Variants in GALNT15 observed in about 807,000 individuals in gnomAD.
The protein encoded by GALNT15 is UDP-GalNAc transferase T15.
A neutral mutation model predicts 66.8 loss-of-function variants in GALNT15; 67 were observed. That is an observed-to-expected ratio of 1.00 (90% CI 0.82 to 1.23). The LOEUF (loss-of-function observed/expected upper bound fraction) is 1.23, where lower values mean the gene tolerates loss of function less well. GALNT15 is among the 50% of genes most tolerant of loss of function. GALNT15 has a pLI of 0.00. For missense variants in GALNT15, 827 were observed against 804.3 expected, an observed-to-expected ratio of 1.03 and a Z score of -0.34; for synonymous variants, 313 against 311.5, an observed-to-expected ratio of 1.00 and a Z score of -0.05.
downstream of GALNT15, among the ~76,000 whole-genome samples, chr3:16,235,335 G>A (rs1399942680): frequency 6.6e-6 from 1 of 152,180 alleles, no homozygotes; most frequent in East Asian, 1.9e-4. Context: ...CCTTCTTGAA[G>A]AAACCTGAAG....
rs1257075110 is a variant in GALNT15, at chr3:16,188,987, T to C, written c.540-6773T>C. 6.6e-6 allele frequency among the ~76,000 whole-genome samples: 1 copy of C among 152,062 alleles called. No homozygotes were observed. The highest frequency in any genetic ancestry group is 2.4e-5 in the African/African-American group (1 of 41,398). ...ACCATTTCTTATTGTCTCCTCAGCA[T>C]CTCCCAAAACTTACACACTCACATC... On this transcript the variant is annotated intron_variant, in intron 1 of 9. Coordinates refer to ENST00000339732, the MANE Select transcript of GALNT15 (RefSeq NM_054110.5). This position sits in a 1 kb window ranked among gnomAD's most constrained non-coding sequence, Gnocchi z 4.6.
At chr3:16,190,482 CA>C (rs2063563227) in intron 1 of GALNT15, among the ~76,000 whole-genome samples, 1 of 151,838 alleles carries the variant, frequency 6.6e-6, no homozygotes, top group Admixed American at 6.6e-5. Context: ...ACTAAAAATA[CA>C]AAAAATTAGC....
chr3:16,200,577 T>C lies in GALNT15; in HGVS notation c.707-42T>C. The C allele has an allele frequency of 1.4e-6, 2 of 1,423,170 alleles. No individual in the cohort carries two copies. The highest frequency in any genetic ancestry group is 9.4e-7 in the Non-Finnish European group (1 of 1,063,698). The allele number at this position is 1,423,170 out of a possible 1,614,324, so 88.2% of individuals were successfully genotyped here. On this transcript the variant is annotated intron_variant, in intron 2 of 9. Coordinates refer to ENST00000339732, the MANE Select transcript of GALNT15 (RefSeq NM_054110.5). The surrounding 1 kb of genome is among the most constrained non-coding windows in gnomAD (Gnocchi z 4.4). ...GTCTTAGTCACAATCTCATCGGTTG[T>C]GGCATTTGTCATTCCACTGACCACA...
At position 16,229,228 on chromosome 3, in the gene GALNT15, G is replaced by C. The variant is rs188475634; in HGVS notation, c.*1728G>C. 65 of 985,268 alleles carry C rather than the reference G, an allele frequency of 6.6e-5. No homozygotes were observed. The African/African-American group carries it at 1.0e-3, about 16-fold the overall frequency. 61.0% of individuals were successfully genotyped at this position (985,268 alleles called of 1,614,324 possible). A position where few individuals can be genotyped will look rare whatever the true frequency, so the allele number is the denominator to read the frequency against. On this transcript the variant is annotated 3_prime_UTR_variant, in exon 10 of 10. Transcript: ENST00000339732. Reference sequence around the variant, plus strand: ...TTCATTGTCTACCTGCTAAGTCAAGGGTTCACTGCATTTCTCCTTCCTCAG... The same window carrying C: ...TTCATTGTCTACCTGCTAAGTCAAGCGTTCACTGCATTTCTCCTTCCTCAG...
chr3:16,240,584 T>C, the GALNT15 span, among the ~76,000 whole-genome samples: 31 of 152,358 alleles, frequency 2.0e-4, no homozygotes, highest in East Asian at 6.0e-3. Context: ...AACAATCTTT[T>C]TCAAACACTG....
Position 16,228,469 on chromosome 3 carries a change from T to C in GALNT15, c.*969T>C. 1.7e-6 allele frequency: 1 copy of C among 600,960 alleles called. No homozygotes were observed. The highest frequency in any genetic ancestry group is 2.1e-6 in the Non-Finnish European group (1 of 479,102). 37.2% of individuals were successfully genotyped at this position (600,960 alleles called of 1,614,324 possible). A position where few individuals can be genotyped will look rare whatever the true frequency, so the allele number is the denominator to read the frequency against. On this transcript the variant is annotated 3_prime_UTR_variant, in exon 10 of 10. Transcript: ENST00000339732. The stretch of plus-strand genomic sequence containing the variant: ...CAGCCTGGTCAACATTGCAAAACCT[T>C]GTCTCTACTAAAAATACAAAAATTA...
At chr3:16,206,931 G>C (rs2063763797) in intron 3 of GALNT15, among the ~76,000 whole-genome samples, 1 of 152,130 alleles carries the variant, frequency 6.6e-6, no homozygotes, top group Non-Finnish European at 1.5e-5. Flanking sequence ...GGAGGCTCTG[G>C]AAGGGGCTCT....
chr3:16,232,018 G>A (rs867409619), downstream of GALNT15: 2 of 1,392,850 alleles, frequency 1.4e-6, no homozygotes, highest in Non-Finnish European at 1.9e-6. Flanking sequence ...GTCATAACTT[G>A]CCCAGATGCA....
rs1412706817 is a variant in GALNT15 at position 16,198,901 on chromosome 3, G to A, written c.707-1718G>A. 1.4e-5 allele frequency among the ~76,000 whole-genome samples: 2 copies of A among 142,302 alleles called. 1 individual carries two copies. The highest frequency in any genetic ancestry group is 3.1e-5 in the Non-Finnish European group (2 of 64,298). 93.4% of individuals were successfully genotyped at this position (142,302 alleles called of 152,430 possible). A position where few individuals can be genotyped will look rare whatever the true frequency, so the allele number is the denominator to read the frequency against. On this transcript the variant is annotated intron_variant, in intron 2 of 9. Coordinates refer to ENST00000339732, the MANE Select transcript of GALNT15 (RefSeq NM_054110.5). ...GAGATCCAGCTACCAAAGCAGCCAG[G>A]CTACTTGTATCCACAGTTAAGGCCA...
In GALNT15 at chr3:16,204,113, C is replaced by T. The variant is rs866562404; in HGVS notation, c.911+3290C>T. ...CAGTGCAGTAAGCCACAAATCAGCT[C>T]TTTCAAAGAGCCGTAGCCTCCTCCA... On this transcript the variant is annotated intron_variant, in intron 3 of 9. Transcript: ENST00000339732. The surrounding 1 kb of genome is among the most constrained non-coding windows in gnomAD (Gnocchi z 4.5). Among the ~76,000 whole-genome samples the T allele has an allele frequency of 6.6e-6, 1 of 152,064 alleles. No individual in the cohort carries two copies. Among genetic ancestry groups the T allele is most frequent in the Middle Eastern group, 3.2e-3 (1 of 316 alleles).
In GALNT15 at chr3:16,176,191, TA is replaced by T. The variant is rs2124830590; in HGVS notation, c.539+502del. Among the ~76,000 whole-genome samples the T allele has an allele frequency of 6.6e-6, 1 of 152,338 alleles. No homozygotes were observed. The highest frequency in any genetic ancestry group is 1.5e-5 in the Non-Finnish European group (1 of 68,026). On this transcript the variant is annotated intron_variant, in intron 1 of 9. Transcript: ENST00000339732. This position sits in a 1 kb window ranked among gnomAD's most constrained non-coding sequence, Gnocchi z 5.6. Reference sequence around the variant, plus strand: ...CAAAATAACAATTGCAGTTTACATTTAGGGGGCTCTTCCCATGCGTCTGGAT... The same window carrying T: ...CAAAATAACAATTGCAGTTTACATTTGGGGGCTCTTCCCATGCGTCTGGAT...
intron 6 of GALNT15, among the ~76,000 whole-genome samples, chr3:16,213,807 G>A (rs2063844013): frequency 6.6e-6 from 1 of 152,212 alleles, no homozygotes; most frequent in Admixed American, 6.5e-5. Context: ...TGCAGGGCCA[G>A]CCTGACAGGG....
intron 1 of GALNT15, among the ~76,000 whole-genome samples, chr3:16,194,830 T>C (rs2063615721): frequency 6.6e-6 from 1 of 152,002 alleles, no homozygotes; most frequent in South Asian, 2.1e-4. Flanking sequence ...GGGCCTGTTG[T>C]GGGGGCATGG....
In GALNT15 at chr3:16,195,260, G is replaced by C. The variant is rs2063619741; in HGVS notation, c.540-500G>C. 6.6e-6 allele frequency among the ~76,000 whole-genome samples: 1 copy of C among 152,164 alleles called. No individual in the cohort carries two copies. Among genetic ancestry groups the C allele is most frequent in the African/African-American group, 2.4e-5 (1 of 41,426 alleles). On this transcript the variant is annotated intron_variant, in intron 1 of 9. Coordinates refer to ENST00000339732, the MANE Select transcript of GALNT15 (RefSeq NM_054110.5). The surrounding 1 kb of genome is among the most constrained non-coding windows in gnomAD (Gnocchi z 4.6). ...GGCCCAAGCCAAAGACTAGAGCAGAGGTTCTCAAAGTGTGGTCCACAGAAA... is the reference window on the plus strand; with the variant it reads ...GGCCCAAGCCAAAGACTAGAGCAGACGTTCTCAAAGTGTGGTCCACAGAAA...
chr3:16,226,276 G>A (rs2064016900), intron 9 of GALNT15, among the ~76,000 whole-genome samples: 1 of 152,086 alleles, frequency 6.6e-6, no homozygotes, highest in African/African-American at 2.4e-5. Context: ...AGTGAAGGTT[G>A]CACAACTTTG....
chr3:16,227,706 A>G lies in GALNT15; in HGVS notation c.*206A>G. 1 of 1,406,044 alleles carries G rather than the reference A, an allele frequency of 7.1e-7. No homozygotes were observed. The highest frequency in any genetic ancestry group is 9.2e-7 in the Non-Finnish European group (1 of 1,086,714). 87.1% of individuals were successfully genotyped at this position (1,406,044 alleles called of 1,614,324 possible). A position where few individuals can be genotyped will look rare whatever the true frequency, so the allele number is the denominator to read the frequency against. ...CTGCTGGCTGCTTTAAAAAAAAAAA[A>G]AAAGGATCCATTGTACCGTTGTCTT... On this transcript the variant is annotated 3_prime_UTR_variant, in exon 10 of 10. Coordinates refer to ENST00000339732, the MANE Select transcript of GALNT15 (RefSeq NM_054110.5). This position sits in a 1 kb window ranked among gnomAD's most constrained non-coding sequence, Gnocchi z 4.5.
In GALNT15 at chr3:16,181,943, C is replaced by T. The variant is rs79200815; in HGVS notation, c.539+6253C>T. Reference sequence around the variant, plus strand: ...GACCTCCACTCTGGATCCATCACCCCGCAGTGGGGTTGCAGCGTAGACAGA... The same window carrying T: ...GACCTCCACTCTGGATCCATCACCCTGCAGTGGGGTTGCAGCGTAGACAGA... On this transcript the variant is annotated intron_variant, in intron 1 of 9. Transcript: ENST00000339732. This position sits in a 1 kb window ranked among gnomAD's most constrained non-coding sequence, Gnocchi z 5.9. 3.9e-5 allele frequency among the ~76,000 whole-genome samples: 6 copies of T among 152,300 alleles called. No individual in the cohort carries two copies. Among genetic ancestry groups the T allele is most frequent in the African/African-American group, 1.2e-4 (5 of 41,554 alleles).
chr3:16,191,439 C>A lies in GALNT15; in HGVS notation c.540-4321C>A. The A allele has an allele frequency of 2.9e-6, 2 of 690,028 alleles. No individual in the cohort carries two copies. The highest frequency in any genetic ancestry group is 3.6e-6 in the Non-Finnish European group (2 of 560,158). 42.7% of individuals were successfully genotyped at this position (690,028 alleles called of 1,614,324 possible). On this transcript the variant is annotated intron_variant, in intron 1 of 9. Transcript: ENST00000339732. This position sits in a 1 kb window ranked among gnomAD's most constrained non-coding sequence, Gnocchi z 5.2. ...ATTTCATCTCCACAACAGCAAATCC[C>A]AAAAAGTGGGCCCTACGGCTACCTT...
At chr3:16,212,519 C>T (rs1342564468) in intron 5 of GALNT15, 50 bp from the exon 6 acceptor site, 14 of 1,548,444 alleles carry the variant, frequency 9.0e-6, no homozygotes, top group Admixed American at 1.8e-5. Flanking sequence ...TATTTCCCGC[C>T]GTTCTTAAAG....
Sources: gnomAD v4.1 joint callset for allele counts (sites outside exome capture counted in the v4.1 genomes callset) on GRCh38, gnomAD v4.1.1 for gene constraint, Gnocchi (gnomAD v3.1) non-coding constraint, MANE v1.5 for transcripts, NCBI Gene and HGNC (gene_info 2026-07-23, HGNC 2026-07-21) for gene names.